The following DCUN1D3 variants were observed in gnomAD, a reference collection of about 807,000 sequenced individuals.
The protein encoded by DCUN1D3 is DCN1-like protein 3.
DCUN1D3 carries 6 observed loss-of-function variants against 24.8 expected under a neutral mutation model. That is an observed-to-expected ratio of 0.24 (90% CI 0.13 to 0.48). The LOEUF (loss-of-function observed/expected upper bound fraction) is 0.48. Among genes scored for constraint, DCUN1D3 ranks in the 20% least tolerant of loss-of-function variants. DCUN1D3 has a pLI of 0.99. For missense variants in DCUN1D3, 258 were observed against 379.4 expected (o/e 0.68, Z 2.66); for synonymous variants, 120 against 144.9 (o/e 0.83, Z 1.24).
At chr16:20,867,148 TGA>T in intron 1 of DCUN1D3, among the ~76,000 whole-genome samples, 1 of 152,312 alleles carries the variant, frequency 6.6e-6, no homozygotes, top group South Asian at 2.1e-4. Flanking sequence ...AAACTGAGGC[TGA>T]GGAAAGTAAA....
intron 1 of DCUN1D3, among the ~76,000 whole-genome samples, chr16:20,871,437 A>G (rs2152516955): frequency 6.6e-6 from 1 of 152,312 alleles, no homozygotes; most frequent in South Asian, 2.1e-4. Context: ...TTTCTATAAA[A>G]ATCATCTTAG....
At chr16:20,878,721 T>C (rs1171737024) in intron 1 of DCUN1D3, among the ~76,000 whole-genome samples, 1 of 152,248 alleles carries the variant, frequency 6.6e-6, no homozygotes, top group East Asian at 1.9e-4. Flanking sequence ...CCTCTTGAGA[T>C]GTTATACCAC....
chr16:20,869,521 G>A (rs2152516775), intron 1 of DCUN1D3, among the ~76,000 whole-genome samples: 1 of 152,260 alleles, frequency 6.6e-6, no homozygotes, highest in East Asian at 1.9e-4. Context: ...AAGCAGTAAG[G>A]CTGGAAAATA....
intron 1 of DCUN1D3, among the ~76,000 whole-genome samples, chr16:20,878,787 T>C (rs1400354537): frequency 1.3e-5 from 2 of 152,168 alleles, no homozygotes; most frequent in African/African-American, 4.8e-5. Context: ...ACATACCTTA[T>C]CAAAGAGGGT....
chr16:20,892,889 A>C (rs1272423991), intron 1 of DCUN1D3, among the ~76,000 whole-genome samples: 1 of 152,228 alleles, frequency 6.6e-6, no homozygotes, highest in Non-Finnish European at 1.5e-5. Context: ...ACTAAAACTA[A>C]GAAGCCTCTC....
rs1226901440 is a variant in DCUN1D3 at position 20,860,374 on chromosome 16, A to C, written c.432-5T>G. The C allele has an allele frequency of 5.0e-6, 8 of 1,607,084 alleles. No homozygotes were observed. Among genetic ancestry groups the C allele is most frequent in the Non-Finnish European group, 6.8e-6 (8 of 1,176,310 alleles). Reference sequence around the variant, plus strand: ...CAGCCATCAAAAAACTCCTTCCTGCAACAGAAAGGAAAAGGACAATTAATC... The same window carrying C: ...CAGCCATCAAAAAACTCCTTCCTGCCACAGAAAGGAAAAGGACAATTAATC... On this transcript the variant is annotated splice_polypyrimidine_tract_variant and splice_region_variant and intron_variant, in intron 2 of 2. Coordinates refer to ENST00000324344, the MANE Select transcript of DCUN1D3 (RefSeq NM_173475.4). The surrounding 1 kb of genome is among the most constrained non-coding windows in gnomAD (Gnocchi z 4.3).
At chr16:20,867,580 A>C (rs2081768791) in intron 1 of DCUN1D3, among the ~76,000 whole-genome samples, 2 of 152,264 alleles carry the variant, frequency 1.3e-5, no homozygotes, top group South Asian at 4.1e-4. Flanking sequence ...CTCAATCTGC[A>C]AAATGATATC....
At chr16:20,899,425 C>T (rs1742369275) in intron 1 of DCUN1D3, among the ~76,000 whole-genome samples, 1 of 152,154 alleles carries the variant, frequency 6.6e-6, no homozygotes, top group Non-Finnish European at 1.5e-5. Context: ...CCCAACGTGA[C>T]AGCCTGTATG....
intron 1 of DCUN1D3, among the ~76,000 whole-genome samples, chr16:20,886,182 T>C (rs2081867507): frequency 6.6e-6 from 1 of 152,180 alleles, no homozygotes; most frequent in Non-Finnish European, 1.5e-5. Context: ...TTGCTTGAGT[T>C]AGTCAAGTCT....
intron 1 of DCUN1D3, among the ~76,000 whole-genome samples, chr16:20,895,033 A>G (rs899136441): frequency 6.6e-6 from 1 of 152,230 alleles, no homozygotes; most frequent in Non-Finnish European, 1.5e-5. Flanking sequence ...CAATACAACA[A>G]TAAAAAATAA....
intron 1 of DCUN1D3, among the ~76,000 whole-genome samples, chr16:20,895,892 C>T (rs1294559676): frequency 1.3e-5 from 2 of 152,158 alleles, no homozygotes; most frequent in African/African-American, 2.4e-5. Flanking sequence ...TCTAAGTTAC[C>T]ACTTCTTCAC....
At chr16:20,884,348 C>T (rs1282709484) in intron 1 of DCUN1D3, among the ~76,000 whole-genome samples, 2 of 152,068 alleles carry the variant, frequency 1.3e-5, no homozygotes, top group African/African-American at 2.4e-5. Context: ...ACAAACAGCC[C>T]CACTCTAGCT....
intron 1 of DCUN1D3, among the ~76,000 whole-genome samples, chr16:20,879,916 A>G (rs2081834480): frequency 6.6e-6 from 1 of 152,206 alleles, no homozygotes; most frequent in South Asian, 2.1e-4. Context: ...TTGCAAATCA[A>G]TTTGCTGACA....
At position 20,883,709 on chromosome 16, in the gene DCUN1D3, A is replaced by G. The variant is rs146133991; in HGVS notation, c.-106+16495T>C. Among the ~76,000 whole-genome samples the G allele has an allele frequency of 6.3e-3, 955 of 152,316 alleles. 13 individuals carry two copies. The highest frequency in any genetic ancestry group is 0.022 in the African/African-American group (915 of 41,558). On this transcript the variant is annotated intron_variant, in intron 1 of 2. Coordinates refer to ENST00000324344, the MANE Select transcript of DCUN1D3 (RefSeq NM_173475.4). Reference sequence around the variant, plus strand: ...CTTAGGCCAAACTGTTCAGAAGGAAAGAAAAACAGGTTTCCTTCCAAATGG... The same window carrying G: ...CTTAGGCCAAACTGTTCAGAAGGAAGGAAAAACAGGTTTCCTTCCAAATGG...
At chr16:20,867,934 C>T (rs900912374) in intron 1 of DCUN1D3, among the ~76,000 whole-genome samples, 7 of 152,218 alleles carry the variant, frequency 4.6e-5, no homozygotes, top group African/African-American at 1.7e-4. Flanking sequence ...ACAGGATTTC[C>T]TTGTGATTGA....
intron 1 of DCUN1D3, among the ~76,000 whole-genome samples, chr16:20,866,248 A>G (rs1567422837): frequency 6.6e-6 from 1 of 152,174 alleles, no homozygotes; most frequent in Non-Finnish European, 1.5e-5. Flanking sequence ...GTGTTCCTAA[A>G]GACTAGAATG....
At chr16:20,873,207 G>C (rs1374485591) in intron 1 of DCUN1D3, among the ~76,000 whole-genome samples, 1 of 151,928 alleles carries the variant, frequency 6.6e-6, no homozygotes, top group Non-Finnish European at 1.5e-5. Flanking sequence ...TAAATGATGG[G>C]GGAATGGGGA....
At chr16:20,879,265 G>T (rs551809534) in intron 1 of DCUN1D3, among the ~76,000 whole-genome samples, 1 of 152,106 alleles carries the variant, frequency 6.6e-6, no homozygotes, top group East Asian at 1.9e-4. Context: ...AATAGTACCG[G>T]CTTGTTTAAC....
At chr16:20,894,256 C>A (rs2081905342) in intron 1 of DCUN1D3, among the ~76,000 whole-genome samples, 1 of 152,072 alleles carries the variant, frequency 6.6e-6, no homozygotes, top group African/African-American at 2.4e-5. Context: ...GCCACTGAGT[C>A]CAGCCTGAGA....
Sources: allele counts gnomAD v4.1 joint callset (sites outside exome capture counted in the v4.1 genomes callset), GRCh38; gene constraint gnomAD v4.1.1; non-coding constraint Gnocchi (gnomAD v3.1); transcripts MANE v1.5; gene names NCBI Gene and HGNC (gene_info 2026-07-23, HGNC 2026-07-21).